Variants in PPP2R2B observed in about 807,000 individuals in gnomAD.
PPP2R2B encodes the protein protein phosphatase 2 regulatory subunit Bbeta, also known as serine/threonine-protein phosphatase 2A 55 kDa regulatory subunit B beta isoform.
Under a neutral mutation model 46.0 loss-of-function variants are expected in PPP2R2B, and 5 were observed. The observed-to-expected ratio is 0.11, with a 90% CI of 0.06 to 0.23. The LOEUF (loss-of-function observed/expected upper bound fraction) is 0.23, where lower values mean the gene tolerates loss of function less well. PPP2R2B is among the 10% of genes least tolerant of loss of function. PPP2R2B has a pLI of 1.00. For missense variants in PPP2R2B, 367 were observed against 575.0 expected, an observed-to-expected ratio of 0.64 and a Z score of 3.70; for synonymous variants, 215 against 206.7, an observed-to-expected ratio of 1.04 and a Z score of -0.34.
chr5:146,893,860 T>A (rs1334660998), intron 1 of PPP2R2B, among the ~76,000 whole-genome samples: 1 of 132,904 alleles, frequency 7.5e-6, no homozygotes, highest in African/African-American at 2.9e-5. Flanking sequence ...AGCACATGTA[T>A]CCCAGAACTT....
rs1582340081 is a variant in PPP2R2B at position 146,878,052 on chromosome 5, G to A, written c.20C>T (p.Thr7Ile). Residue 7 changes from threonine (T) to isoleucine (I), a missense_variant, in exon 2 of 10, where the codon ACC becomes ATC. Around this residue, in one of 2 missense-constraint regions of PPP2R2B, gnomAD observed 361 missense variants for 545.5 expected, o/e 0.66. Transcript: ENST00000394411. The surrounding 1 kb of genome is among the most constrained non-coding windows in gnomAD (Gnocchi z 4.5). MEEDID[T>I]RKINNSFLRD... Reference sequence around the variant, plus strand: ...CAGGAAACTGTTGTTGATTTTGCGGGTATCAATGTCCTCCTCCATTGACAG... The same window carrying A: ...CAGGAAACTGTTGTTGATTTTGCGGATATCAATGTCCTCCTCCATTGACAG... 1 of 1,614,158 alleles carries A rather than the reference G, an allele frequency of 6.2e-7. No individual in the cohort carries two copies. Among genetic ancestry groups the A allele is most frequent in the Non-Finnish European group, 8.5e-7 (1 of 1,180,008 alleles).
At chr5:146,763,159 C>T (rs923414105) in intron 2 of PPP2R2B, among the ~76,000 whole-genome samples, 1 of 152,208 alleles carries the variant, frequency 6.6e-6, no homozygotes, top group Non-Finnish European at 1.5e-5. Flanking sequence ...TCTGGAATCA[C>T]ACCCTTGTCA....
At chr5:146,636,321 T>C (rs1156883299) in intron 7 of PPP2R2B, among the ~76,000 whole-genome samples, 1 of 152,218 alleles carries the variant, frequency 6.6e-6, no homozygotes, top group African/African-American at 2.4e-5. Flanking sequence ...TTACATCTTT[T>C]GGAAACACCA....
At chr5:146,815,568 G>A (rs1348096625) in intron 2 of PPP2R2B, among the ~76,000 whole-genome samples, 9 of 152,246 alleles carry the variant, frequency 5.9e-5, no homozygotes, top group South Asian at 2.1e-4. Context: ...GAGGAAGGGC[G>A]TGGCTTGTGG....
intron 9 of PPP2R2B, chr5:146,592,107 C>G: frequency 2.3e-6 from 1 of 441,662 alleles, no homozygotes; most frequent in South Asian, 1.6e-5. Flanking sequence ...GGATTTTGTT[C>G]TTATGTCACA....
intron 2 of PPP2R2B, among the ~76,000 whole-genome samples, chr5:146,863,680 C>T (rs1452076645): frequency 6.6e-6 from 1 of 151,704 alleles, no homozygotes; most frequent in East Asian, 1.9e-4. Context: ...ATCCATCCAT[C>T]CATCCTTTAA....
intron 2 of PPP2R2B, among the ~76,000 whole-genome samples, chr5:146,723,520 T>A (rs555782132): frequency 6.6e-5 from 10 of 152,270 alleles, no homozygotes; most frequent in African/African-American, 2.4e-4. Context: ...TATACATGTA[T>A]AAAAGTCATT....
chr5:147,020,077 C>T (rs1228116557), intron 1 of PPP2R2B, among the ~76,000 whole-genome samples: 3 of 152,256 alleles, frequency 2.0e-5, no homozygotes, highest in East Asian at 1.9e-4. Flanking sequence ...AATCTTTCTT[C>T]GTCCACCCTC....
chr5:146,668,926 T>C (rs1218524912), intron 5 of PPP2R2B, among the ~76,000 whole-genome samples: 1 of 152,188 alleles, frequency 6.6e-6, no homozygotes, highest in Non-Finnish European at 1.5e-5. Context: ...ACTCCATTAA[T>C]TCATTTTCTT....
At chr5:146,591,661 G>T (rs993464862) in intron 9 of PPP2R2B, among the ~76,000 whole-genome samples, 4 of 135,606 alleles carry the variant, frequency 2.9e-5, no homozygotes, top group Admixed American at 2.3e-4. Flanking sequence ...AAACAAGTAA[G>T]AGATTATTTT....
intron 2 of PPP2R2B, among the ~76,000 whole-genome samples, chr5:146,862,235 G>A (rs1327352328): frequency 6.6e-6 from 1 of 152,184 alleles, no homozygotes; most frequent in Non-Finnish European, 1.5e-5. Flanking sequence ...GTAACTGGCT[G>A]CTCTCCTAAC....
chr5:146,863,483 G>A (rs1202557602), intron 2 of PPP2R2B, among the ~76,000 whole-genome samples: 1 of 152,140 alleles, frequency 6.6e-6, no homozygotes, highest in Non-Finnish European at 1.5e-5. Flanking sequence ...AGAAGAGGAA[G>A]AGGATGAAAA....
intron 2 of PPP2R2B, among the ~76,000 whole-genome samples, chr5:146,737,532 A>T (rs1310700478): frequency 6.6e-6 from 1 of 152,214 alleles, no homozygotes; most frequent in Non-Finnish European, 1.5e-5. Flanking sequence ...TCAAACCTGC[A>T]GAAGAGCTGG....
At chr5:146,940,893 T>C (rs755486667) in intron 1 of PPP2R2B, among the ~76,000 whole-genome samples, 6 of 152,198 alleles carry the variant, frequency 3.9e-5, no homozygotes, top group African/African-American at 7.2e-5. Flanking sequence ...CAGCCTAGTA[T>C]ATTTTCCATA....
chr5:146,602,237 A>G (rs1344356553), intron 7 of PPP2R2B, among the ~76,000 whole-genome samples: 1 of 152,148 alleles, frequency 6.6e-6, no homozygotes, highest in African/African-American at 2.4e-5. Context: ...TTAACAACTG[A>G]TGAGTTTGTT....
At position 146,788,332 on chromosome 5, in the gene PPP2R2B, G is replaced by T. The variant is rs561404933; in HGVS notation, c.71-87190C>A. 2.1e-3 allele frequency among the ~76,000 whole-genome samples: 316 copies of T among 149,712 alleles called. 2 individuals are homozygous for T. Among genetic ancestry groups the T allele is most frequent in the African/African-American group, 7.5e-3 (305 of 40,632 alleles). On this transcript the variant is annotated intron_variant, in intron 2 of 9. Transcript: ENST00000394411. ...ATTTTTTTTTTCTTTAGCACACCCT[G>T]GTTTAAAGAAAAAAAAAAAGGGAAC...
At chr5:146,889,228 C>A (rs1762419375) in intron 1 of PPP2R2B, among the ~76,000 whole-genome samples, 1 of 152,100 alleles carries the variant, frequency 6.6e-6, no homozygotes, top group African/African-American at 2.4e-5. Context: ...TGAAGAGAGG[C>A]CTGGGTTTTG....
At chr5:146,819,143 A>G (rs1317245785) in intron 2 of PPP2R2B, among the ~76,000 whole-genome samples, 2 of 152,216 alleles carry the variant, frequency 1.3e-5, no homozygotes, top group African/African-American at 2.4e-5. Context: ...TCTGAATAAT[A>G]TATTTTGAAA....
chr5:146,591,932 T>G, intron 9 of PPP2R2B: 1 of 243,554 alleles, frequency 4.1e-6, no homozygotes, highest in Non-Finnish European at 7.9e-6. Flanking sequence ...TGTACGAATG[T>G]GTTTGGTATA....
Sources: gnomAD v4.1 joint callset for allele counts (sites outside exome capture counted in the v4.1 genomes callset) on GRCh38, gnomAD v4.1.1 for gene constraint, gnomAD v4.1.1 regional missense constraint, Gnocchi (gnomAD v3.1) non-coding constraint, MANE v1.5 for transcripts, NCBI Gene and HGNC (gene_info 2026-07-23, HGNC 2026-07-21) for gene names.